DZIP1: variants seen among roughly 807,000 people sequenced by gnomAD.
DZIP1 encodes DAZ interacting zinc finger protein 1.
DZIP1 carries 97 observed loss-of-function variants against 107.6 expected under a neutral mutation model. The observed-to-expected ratio is 0.90, with a 90% CI of 0.77 to 1.07. The LOEUF (loss-of-function observed/expected upper bound fraction) is 1.07. Among genes scored for constraint, DZIP1 ranks in the 50% least tolerant of loss-of-function variants. The pLI, the probability that DZIP1 is intolerant of heterozygous loss-of-function variation, is 0.00. For synonymous variants in DZIP1, 390 were observed against 386.4 expected, an observed-to-expected ratio of 1.01 and a Z score of -0.11; for missense variants, 1,035 against 1,063.6, an observed-to-expected ratio of 0.97 and a Z score of 0.37.
At chr13:95,610,112 G>GTGTGTGTGTGAA in intron 12 of DZIP1, among the ~76,000 whole-genome samples, 1 of 41,080 alleles carries the variant, frequency 2.4e-5, no homozygotes, top group Non-Finnish European at 6.4e-5. Context: ...GTGTGTGTGT[G>GTGTGTGTGTGAA]AGAGAGAGAC....
intron 15 of DZIP1, among the ~76,000 whole-genome samples, chr13:95,595,202 C>T (rs2044412196): frequency 6.6e-6 from 1 of 152,212 alleles, no homozygotes; most frequent in Non-Finnish European, 1.5e-5. Context: ...AGACAGGATT[C>T]TTAATACCCA....
At chr13:95,624,466 G>A (rs543525420) in intron 8 of DZIP1, among the ~76,000 whole-genome samples, 3 of 152,264 alleles carry the variant, frequency 2.0e-5, no homozygotes, top group Non-Finnish European at 4.4e-5. Context: ...CAAAACTCAG[G>A]GAGGAGTTTA....
In DZIP1 at chr13:95,582,017, T is replaced by C. The variant is rs187948746; in HGVS notation, c.*217A>G. Reference sequence around the variant, plus strand: ...TGTTATTTTTAAGCAGCAGCGGAAGTCTTAAACACCTTTACATGCTTCGAA... The same window carrying C: ...TGTTATTTTTAAGCAGCAGCGGAAGCCTTAAACACCTTTACATGCTTCGAA... On this transcript the variant is annotated 3_prime_UTR_variant, in exon 23 of 23. Coordinates refer to ENST00000376829, the MANE Select transcript of DZIP1 (RefSeq NM_198968.4). The C allele has an allele frequency of 2.3e-6, 1 of 431,866 alleles. No individual in the cohort carries two copies. Among genetic ancestry groups the C allele is most frequent in the Non-Finnish European group, 4.1e-6 (1 of 244,186 alleles). The allele number at this position is 431,866 out of a possible 1,614,324, so 26.8% of individuals were successfully genotyped here. A position where few individuals can be genotyped will look rare whatever the true frequency, so the allele number is the denominator to read the frequency against.
At chr13:95,631,334 G>T (rs1877170795) in intron 6 of DZIP1, among the ~76,000 whole-genome samples, 1 of 152,092 alleles carries the variant, frequency 6.6e-6, no homozygotes, top group South Asian at 2.1e-4. Context: ...AGGTGTGGTA[G>T]TGAGTGCCCG....
Position 95,587,650 on chromosome 13 carries a change from CAGGA to C in DZIP1, c.2103_2106del (p.Pro702CysfsTer15). 1.2e-6 allele frequency: 2 copies of C among 1,614,142 alleles called. No homozygotes were observed. The highest frequency in any genetic ancestry group is 1.7e-6 in the Non-Finnish European group (2 of 1,180,024). Reference sequence around the variant, plus strand: ...CTGCCCTTGTTTTGTGGTGGCGGCACAGGAAGTGGGCCTGGGGATGCGTATGCCC... The same window carrying C: ...CTGCCCTTGTTTTGTGGTGGCGGCACAGTGGGCCTGGGGATGCGTATGCCC... On this transcript the variant is annotated frameshift_variant, in exon 20 of 23. Transcript: ENST00000376829. LOFTEE classifies it high-confidence loss of function.
At chr13:95,598,204 G>A (rs2044512962) in intron 15 of DZIP1, among the ~76,000 whole-genome samples, 1 of 152,148 alleles carries the variant, frequency 6.6e-6, no homozygotes, top group South Asian at 2.1e-4. Context: ...AAATAAGGAG[G>A]AAATGAAGCA....
At chr13:95,613,072 A>G (rs1001395808) in intron 10 of DZIP1, among the ~76,000 whole-genome samples, 6 of 152,210 alleles carry the variant, frequency 3.9e-5, no homozygotes, top group Non-Finnish European at 8.8e-5. Context: ...ACACACAGAC[A>G]TATTCATCTT....
chr13:95,592,942 C>G (rs1054025832), intron 16 of DZIP1, among the ~76,000 whole-genome samples: 13 of 152,146 alleles, frequency 8.5e-5, no homozygotes, highest in African/African-American at 3.1e-4. Flanking sequence ...CCCTTTCCCT[C>G]CGATTGGGAA....
At chr13:95,635,462 G>A (rs1032015623) in intron 5 of DZIP1, among the ~76,000 whole-genome samples, 1 of 152,072 alleles carries the variant, frequency 6.6e-6, no homozygotes, top group Non-Finnish European at 1.5e-5. Context: ...CTCCCAAAGT[G>A]CTGGAATTAC....
chr13:95,600,219 A>T (rs116423592), intron 14 of DZIP1, among the ~76,000 whole-genome samples: 54 of 152,350 alleles, frequency 3.5e-4, no homozygotes, highest in African/African-American at 1.3e-3. Context: ...TGAAGGTTTA[A>T]TGATGGTGGT....
chr13:95,617,785 G>C (rs1172362924), intron 10 of DZIP1, among the ~76,000 whole-genome samples: 1 of 152,122 alleles, frequency 6.6e-6, no homozygotes, highest in African/African-American at 2.4e-5. Context: ...GAAGGGGAAG[G>C]CTGGAATTGA....
chr13:95,639,185 C>T (rs1221433551), intron 5 of DZIP1, among the ~76,000 whole-genome samples: 1 of 152,150 alleles, frequency 6.6e-6, no homozygotes, highest in Non-Finnish European at 1.5e-5. Context: ...AACTGAGGCA[C>T]AGGGAGGTTG....
intron 9 of DZIP1, among the ~76,000 whole-genome samples, chr13:95,621,531 G>T (rs138725761): frequency 6.6e-6 from 1 of 152,014 alleles, no homozygotes; most frequent in African/African-American, 2.4e-5. Flanking sequence ...TTTTAAAAAA[G>T]AATCCTGAAT....
intron 16 of DZIP1, among the ~76,000 whole-genome samples, chr13:95,593,534 A>G (rs1341992286): frequency 6.6e-6 from 1 of 152,226 alleles, no homozygotes; most frequent in African/African-American, 2.4e-5. Flanking sequence ...CCATTCATTC[A>G]ACATGTATTA....
intron 9 of DZIP1, 116 bp downstream of exon 9, chr13:95,622,227 C>T: frequency 3.1e-6 from 4 of 1,296,100 alleles, no homozygotes; most frequent in Non-Finnish European, 4.3e-6. Context: ...AACAGCTAGT[C>T]ACCTTCAGGG....
chr13:95,584,106 A>G (rs1340032830), intron 22 of DZIP1, among the ~76,000 whole-genome samples: 1 of 151,892 alleles, frequency 6.6e-6, no homozygotes, highest in African/African-American at 2.4e-5. Flanking sequence ...CCTCCCAAGT[A>G]GCTAGGACTA....
At chr13:95,611,901 C>A in intron 11 of DZIP1, 136 bp downstream of exon 11, 1 of 1,116,704 alleles carries the variant, frequency 9.0e-7, no homozygotes, top group Non-Finnish European at 1.2e-6. Context: ...CTAACTTTTA[C>A]AAGCAATCAC....
At position 95,589,107 on chromosome 13, in the gene DZIP1, G is replaced by A. The variant is rs1165439078; in HGVS notation, c.2027+47C>T. ...TACTTTAAAATGAAAGGAATGTTCA[G>A]TGAAAATAATTTTTTAAATGACCCT... On this transcript the variant is annotated intron_variant, in intron 19 of 22. Transcript: ENST00000376829. The A allele has an allele frequency of 2.0e-6, 3 of 1,471,446 alleles. No homozygotes were observed. In the South Asian group the frequency reaches 3.6e-5, roughly 18 times the overall value. 91.1% of individuals were successfully genotyped at this position (1,471,446 alleles called of 1,614,324 possible).
intron 14 of DZIP1, among the ~76,000 whole-genome samples, chr13:95,601,181 T>C (rs2044608521): frequency 6.6e-6 from 1 of 152,148 alleles, no homozygotes; most frequent in South Asian, 2.1e-4. Context: ...GGAAGAGTTC[T>C]GGTAGAAGGG....
Sources: gnomAD v4.1 joint callset for allele counts (sites outside exome capture counted in the v4.1 genomes callset) on GRCh38, gnomAD v4.1.1 for gene constraint, MANE v1.5 for transcripts, NCBI Gene and HGNC (gene_info 2026-07-23, HGNC 2026-07-21) for gene names.